Variants in PATZ1 observed in about 807,000 individuals in gnomAD.
PATZ1 encodes POZ/BTB and AT hook containing zinc finger 1.
PATZ1 carries 9 observed loss-of-function variants against 46.2 expected under a neutral mutation model. The ratio of observed to expected loss-of-function variants is 0.19; its 90% CI spans 0.12 to 0.34. PATZ1 has a LOEUF of 0.34. Among genes scored for constraint, PATZ1 ranks in the 10% least tolerant of loss-of-function variants. The probability of loss-of-function intolerance (pLI) is 1.00; values close to 1 mark genes in which losing one functional copy is unlikely to be tolerated. For missense variants in PATZ1, 632 were observed against 923.0 expected (o/e 0.68, Z 4.08); for synonymous variants, 426 against 378.6 (o/e 1.13, Z -1.45).
At chr22:31,341,575 G>C in intron 2 of PATZ1, 1 of 1,614,156 alleles carries the variant, frequency 6.2e-7, no homozygotes, top group Non-Finnish European at 8.5e-7. Flanking sequence ...GCGGTGTCAG[G>C]AACCGAATGG....
chr22:31,337,602 G>C (rs572591098), intron 2 of PATZ1: 4 of 152,340 alleles, frequency 2.6e-5, no homozygotes, highest in African/African-American at 9.6e-5. Flanking sequence ...TTCCAGGGAG[G>C]TGTTTCATGG....
At position 31,326,004 on chromosome 22, in the gene PATZ1, AC is replaced by A. The variant is rs2049367396; in HGVS notation, c.*886del. ...GGCATTTTTTAAAATTTTGCATAAA[AC>A]TATTTCTTCCATAGACTTCAAACAA... On this transcript the variant is annotated 3_prime_UTR_variant, in exon 5 of 5. Transcript: ENST00000266269. 9.4e-6 allele frequency: 2 copies of A among 212,412 alleles called. No individual in the cohort carries two copies. The highest frequency in any genetic ancestry group is 2.3e-5 in the African/African-American group (1 of 44,214). The allele number at this position is 212,412 out of a possible 1,614,324, so 13.2% of individuals were successfully genotyped here.
At chr22:31,341,212 G>T in intron 2 of PATZ1, 2 of 1,326,048 alleles carry the variant, frequency 1.5e-6, no homozygotes, top group Non-Finnish European at 1.9e-6. Context: ...GGATGCTATA[G>T]GGGGTTCCAG....
Position 31,341,398 on chromosome 22 carries a change from G to A in PATZ1, c.1335+1499C>T, listed in dbSNP as rs190657155. 5.8e-5 allele frequency: 89 copies of A among 1,536,100 alleles called. No individual in the cohort carries two copies. The East Asian group carries it at 1.6e-3, about 28-fold the overall frequency. Reference sequence around the variant, plus strand: ...TCCACTGTCAACCCTCTCCAGGGAGGCCCAGGCTAGCCAACAGGCCACTGG... The same window carrying A: ...TCCACTGTCAACCCTCTCCAGGGAGACCCAGGCTAGCCAACAGGCCACTGG... On this transcript the variant is annotated intron_variant, in intron 2 of 4. Transcript: ENST00000266269.
intron 2 of PATZ1, among the ~76,000 whole-genome samples, chr22:31,338,814 C>T (rs866323399): frequency 2.6e-5 from 4 of 152,108 alleles, no homozygotes; most frequent in South Asian, 2.1e-4. Context: ...TTTGGGAGGC[C>T]GAGGCGGGTG....
intron 1 of PATZ1, 152 bp from the exon 2 acceptor site, chr22:31,343,112 C>T (rs1431783458): frequency 1.4e-6 from 2 of 1,430,318 alleles, no homozygotes; most frequent in African/African-American, 2.9e-5. Flanking sequence ...AAAGTCACCA[C>T]CCAGTTCTGG....
rs772043087 is a variant in PATZ1, at chr22:31,344,831, C to T, written c.772G>A (p.Ala258Thr). Residue 258 changes from alanine (A) to threonine (T), a missense_variant, in exon 1 of 5, where the codon GCC (alanine) becomes ACC (threonine). Transcript: ENST00000266269. Reference protein sequence around the residue: ...TSPFPSVASSAPPLTGKRGRG... With the variant: ...TSPFPSVASSTPPLTGKRGRG... ...CCTCGCTTGCCAGTCAGGGGAGGGG[C>T]ACTGGATGCCACACTGGGGAATGGG... The T allele has an allele frequency of 3.1e-6, 5 of 1,611,610 alleles. No homozygotes were observed. In the East Asian group the frequency reaches 8.9e-5, roughly 29 times the overall value.
At chr22:31,342,867 A>G (rs762015568) in intron 2 of PATZ1, 30 bp downstream of exon 2, 7 of 1,612,352 alleles carry the variant, frequency 4.3e-6, no homozygotes, top group African/African-American at 1.3e-5. Flanking sequence ...CATCTCCTTC[A>G]GCCCATCTCT....
intron 2 of PATZ1, 61 bp downstream of exon 2, chr22:31,342,818 GCAGCGGCTGGCTCAAGGC>G: frequency 1.3e-6 from 2 of 1,510,658 alleles, no homozygotes; most frequent in Non-Finnish European, 1.8e-6. Flanking sequence ...CCCGGCACAC[GCAGCGGCTGGCTCAAGGC>G]TGCGACCGTG....
intron 3 of PATZ1, among the ~76,000 whole-genome samples, chr22:31,334,673 G>A (rs773566052): frequency 2.0e-5 from 3 of 152,234 alleles, no homozygotes; most frequent in Admixed American, 1.3e-4. Context: ...CCTGTGAGGT[G>A]GGAAAGGGGG....
chr22:31,345,586 T>G lies in PATZ1; in HGVS notation c.17A>C (p.Asp6Ala). MERVNDASCGPSGCYT... is the reference protein window; with the variant it reads MERVNAASCGPSGCYT... ...GCAGCCAGACGGGCCGCACGAAGCG[T>G]CGTTCACCCGCTCCATGGCCGCCGC... is the stretch of plus-strand genomic sequence containing the variant. Residue 6 changes from aspartate (D) to alanine (A), a missense_variant, in exon 1 of 5, where the codon GAC (aspartate) becomes GCC (alanine). Around this residue, in one of 7 missense-constraint regions of PATZ1, gnomAD observed 30 missense variants for 27.7 expected, o/e 1.08. Transcript: ENST00000266269. The surrounding 1 kb of genome is among the most constrained non-coding windows in gnomAD (Gnocchi z 7.4). 3 of 1,592,504 alleles carry G rather than the reference T, an allele frequency of 1.9e-6. No homozygotes were observed. The highest frequency in any genetic ancestry group is 2.6e-6 in the Non-Finnish European group (3 of 1,164,348).
At chr22:31,339,862 G>A (rs1276689744) in intron 2 of PATZ1, among the ~76,000 whole-genome samples, 2 of 152,134 alleles carry the variant, frequency 1.3e-5, no homozygotes. Context: ...GGGCACTAGT[G>A]CACACCCCCA....
chr22:31,339,064 A>G (rs1472200377), intron 2 of PATZ1, among the ~76,000 whole-genome samples: 1 of 152,186 alleles, frequency 6.6e-6, no homozygotes, highest in African/African-American at 2.4e-5. Context: ...TGTCCTCTAA[A>G]GGCTTTGCCT....
chr22:31,343,218 C>A, intron 1 of PATZ1: 1 of 1,234,698 alleles, frequency 8.1e-7, no homozygotes, highest in South Asian at 2.0e-5. Context: ...TCCCTCAATT[C>A]TCCCCACCAG....
chr22:31,343,381 G>A (rs2049607760), intron 1 of PATZ1: 1 of 988,188 alleles, frequency 1.0e-6, no homozygotes, highest in South Asian at 4.6e-5. Flanking sequence ...CTCCCGCCAC[G>A]GGCAGCCAAT....
rs200485962 is a variant in PATZ1 at position 31,326,870 on chromosome 22, C to T, written c.*21G>A. ...CCAGCAGTCCCCAGATGGTTGTTTC[C>T]GTGGGGACACAGCAGCTGCCTCATT... is the stretch of plus-strand genomic sequence containing the variant. On this transcript the variant is annotated 3_prime_UTR_variant, in exon 5 of 5. Coordinates refer to ENST00000266269, the MANE Select transcript of PATZ1 (RefSeq NM_014323.3). The T allele has an allele frequency of 1.7e-4, 276 of 1,590,390 alleles. No individual in the cohort carries two copies. The highest frequency in any genetic ancestry group is 3.4e-4 in the Middle Eastern group (2 of 5,938).
At chr22:31,334,412 G>A (rs1394782144) in intron 3 of PATZ1, among the ~76,000 whole-genome samples, 1 of 152,194 alleles carries the variant, frequency 6.6e-6, no homozygotes, top group Admixed American at 6.5e-5. Context: ...GAAGCTGCAA[G>A]GAGGGACCCA....
Position 31,326,994 on chromosome 22 carries a change from G to A in PATZ1, c.1961C>T (p.Ser654Phe). 1.9e-6 allele frequency: 3 copies of A among 1,614,216 alleles called. No individual in the cohort carries two copies. Among genetic ancestry groups the A allele is most frequent in the Non-Finnish European group, 2.5e-6 (3 of 1,180,034 alleles). Reference protein sequence around the residue: ...GSPFSPQQNMSLLESFGFQIV... With the variant: ...GSPFSPQQNMFLLESFGFQIV... ...CTGAAACCCAAAGGACTCGAGGAGA[G>A]ACATGTTCTGCTGAGGAGAGAAAGG... The change falls in exon 5 of 5, where the codon TCT becomes TTT. Residue 654 changes from serine to phenylalanine, a missense_variant. Coordinates refer to ENST00000266269, the MANE Select transcript of PATZ1 (RefSeq NM_014323.3).
At chr22:31,334,795 T>C (rs1256240608) in intron 3 of PATZ1, among the ~76,000 whole-genome samples, 1 of 152,166 alleles carries the variant, frequency 6.6e-6, no homozygotes, top group African/African-American at 2.4e-5. Flanking sequence ...TCTTGACTCC[T>C]GGTTCAGTGC....
Sources: gnomAD v4.1 joint callset for allele counts (sites outside exome capture counted in the v4.1 genomes callset) on GRCh38, gnomAD v4.1.1 for gene constraint, gnomAD v4.1.1 regional missense constraint, Gnocchi (gnomAD v3.1) non-coding constraint, MANE v1.5 for transcripts, NCBI Gene and HGNC (gene_info 2026-07-23, HGNC 2026-07-21) for gene names.